PTPN14: variants seen among roughly 807,000 people sequenced by gnomAD.
PTPN14 encodes tyrosine-protein phosphatase non-receptor type 14.
PTPN14 carries 53 observed loss-of-function variants against 126.8 expected under a neutral mutation model. The ratio of observed to expected loss-of-function variants is 0.42; its 90% CI spans 0.34 to 0.53. The LOEUF (loss-of-function observed/expected upper bound fraction) is 0.53, where lower values mean the gene tolerates loss of function less well. Ranked by LOEUF, PTPN14 falls within the 20% of genes least tolerant of loss-of-function variation. The pLI, the probability that PTPN14 is intolerant of heterozygous loss-of-function variation, is 0.08. For synonymous variants in PTPN14, 630 were observed against 599.3 expected, an observed-to-expected ratio of 1.05 and a Z score of -0.75; for missense variants, 1,257 against 1,552.9, an observed-to-expected ratio of 0.81 and a Z score of 3.20.
chr1:214,370,892 C>G (rs1037186866), intron 16 of PTPN14, among the ~76,000 whole-genome samples: 1 of 152,134 alleles, frequency 6.6e-6, no homozygotes, highest in African/African-American at 2.4e-5. Flanking sequence ...ATTAGAGTTC[C>G]TCTTGTAAAG....
chr1:214,418,046 C>A (rs1372231260), intron 3 of PTPN14, among the ~76,000 whole-genome samples: 1 of 152,210 alleles, frequency 6.6e-6, no homozygotes, highest in East Asian at 1.9e-4. Flanking sequence ...GTCATGCCTG[C>A]CTACCTCATT....
chr1:214,365,879 G>A (rs1431737999), intron 17 of PTPN14, among the ~76,000 whole-genome samples: 1 of 152,116 alleles, frequency 6.6e-6, no homozygotes, highest in Non-Finnish European at 1.5e-5. Flanking sequence ...AAAAAAGAAA[G>A]AAGGGCTGGG....
chr1:214,427,032 G>C (rs552462500), intron 3 of PTPN14, among the ~76,000 whole-genome samples: 1 of 152,296 alleles, frequency 6.6e-6, no homozygotes, highest in African/African-American at 2.4e-5. Context: ...TGTAATCCCA[G>C]CACTTTGTGG....
intron 1 of PTPN14, 132 bp from the exon 2 acceptor site, chr1:214,465,089 G>T: frequency 2.5e-6 from 1 of 395,524 alleles, no homozygotes; most frequent in Admixed American, 3.9e-5. Flanking sequence ...TTGATAAGCT[G>T]CAAGTTCTGG....
chr1:214,465,512 T>C (rs1185041411), intron 1 of PTPN14, among the ~76,000 whole-genome samples: 1 of 152,070 alleles, frequency 6.6e-6, no homozygotes, highest in East Asian at 1.9e-4. Flanking sequence ...TCCCAGCTAC[T>C]TGGGAGGCTG....
intron 1 of PTPN14, among the ~76,000 whole-genome samples, chr1:214,506,001 C>T (rs1450473536): frequency 2.0e-5 from 3 of 152,200 alleles, no homozygotes; most frequent in African/African-American, 7.2e-5. Flanking sequence ...TAAGCCCAGA[C>T]ACAGAGACAG....
intron 7 of PTPN14, among the ~76,000 whole-genome samples, chr1:214,401,073 G>A (rs1659003877): frequency 6.6e-6 from 1 of 152,104 alleles, no homozygotes; most frequent in Non-Finnish European, 1.5e-5. Context: ...TTTGGATGAT[G>A]GGCTCAGCTC....
In PTPN14 at chr1:214,526,304, T is replaced by C. The variant is rs1448803506; in HGVS notation, c.-155+24879A>G. Among the ~76,000 whole-genome samples the C allele has an allele frequency of 2.4e-4, 36 of 152,132 alleles. 1 individual carries two copies. The highest frequency in any genetic ancestry group is 2.4e-3 in the Admixed American group (36 of 15,260). On this transcript the variant is annotated intron_variant, in intron 1 of 18. Coordinates refer to ENST00000366956, the MANE Select transcript of PTPN14 (RefSeq NM_005401.5). ...TTCTAATGGTGCCTGGGTAGCGTTT[T>C]TAGACAATAAAGTGACTAACATTAA...
chr1:214,523,560 T>C (rs11801117), intron 1 of PTPN14, among the ~76,000 whole-genome samples: 8,732 of 152,196 alleles, frequency 0.057, 853 homozygotes, highest in African/African-American at 0.2. Flanking sequence ...TGTAAATATA[T>C]TCTATAATGT....
intron 7 of PTPN14, among the ~76,000 whole-genome samples, chr1:214,398,872 G>A (rs940333518): frequency 4.6e-5 from 7 of 151,726 alleles, no homozygotes; most frequent in African/African-American, 1.7e-4. Flanking sequence ...AGGTTCAAGC[G>A]ATTCTCCTGC....
At chr1:214,513,149 A>G (rs1421793024) in intron 1 of PTPN14, among the ~76,000 whole-genome samples, 1 of 152,204 alleles carries the variant, frequency 6.6e-6, no homozygotes, top group Non-Finnish European at 1.5e-5. Context: ...AGCAGCAGAA[A>G]AACCTAAAAG....
intron 3 of PTPN14, among the ~76,000 whole-genome samples, chr1:214,419,828 A>C (rs894683028): frequency 1.3e-5 from 2 of 152,146 alleles, no homozygotes; most frequent in Non-Finnish European, 2.9e-5. Context: ...GCGGGTGTTC[A>C]CAGCTGTAAA....
intron 16 of PTPN14, among the ~76,000 whole-genome samples, chr1:214,370,593 C>T (rs565747897): frequency 3.4e-4 from 51 of 152,160 alleles, no homozygotes; most frequent in Non-Finnish European, 6.2e-4. Flanking sequence ...CTGACCAATG[C>T]GTTTTAGTTC....
intron 1 of PTPN14, among the ~76,000 whole-genome samples, chr1:214,490,970 GAAGGAAAGGAAGGAAGGAAGGGAAGGA>G (rs1218541372): frequency 4.9e-5 from 3 of 61,666 alleles, no homozygotes; most frequent in Non-Finnish European, 9.6e-5. Flanking sequence ...GGAAGGAAGG[GAAGGAAAGGAAGGAAGGAAGGGAAGGA>G]AAGGAAAGAA....
chr1:214,481,795 C>G (rs1660994297), intron 1 of PTPN14, among the ~76,000 whole-genome samples: 1 of 151,862 alleles, frequency 6.6e-6, no homozygotes, highest in Non-Finnish European at 1.5e-5. Flanking sequence ...ATCATCCTGG[C>G]TAACACAGTG....
chr1:214,378,249 C>T, intron 13 of PTPN14, 147 bp from the exon 14 acceptor site: 2 of 1,085,492 alleles, frequency 1.8e-6, no homozygotes, highest in Non-Finnish European at 2.5e-6. Flanking sequence ...AGCCTTCCCA[C>T]TATTCCCACT....
At chr1:214,404,275 G>A (rs557966495) in intron 5 of PTPN14, among the ~76,000 whole-genome samples, 18 of 152,266 alleles carry the variant, frequency 1.2e-4, no homozygotes, top group Admixed American at 3.9e-4. Context: ...TAGAGTTCAC[G>A]AGAGACTTTA....
At position 214,452,235 on chromosome 1, in the gene PTPN14, G is replaced by GT. The variant is rs1189839520; in HGVS notation, c.175-262dup. ...GCAGATACCAAAGCGCCCATGTGAGGTAAGGGGAGTCGCGCAGGGAAGGGA... is the reference window on the plus strand; with the variant it reads ...GCAGATACCAAAGCGCCCATGTGAGGTTAAGGGGAGTCGCGCAGGGAAGGGA... On this transcript the variant is annotated intron_variant, in intron 2 of 18. Coordinates refer to ENST00000366956, the MANE Select transcript of PTPN14 (RefSeq NM_005401.5). Among the ~76,000 whole-genome samples, 3 of 152,222 alleles carry GT rather than the reference G, an allele frequency of 2.0e-5. No homozygotes were observed. The East Asian group carries it at 5.8e-4, about 29-fold the overall frequency.
chr1:214,414,153 T>C (rs937231795), intron 4 of PTPN14, among the ~76,000 whole-genome samples: 28 of 152,204 alleles, frequency 1.8e-4, no homozygotes, highest in African/African-American at 6.8e-4. Context: ...TTCAGTCCAA[T>C]ACACATTTGT....
Sources: allele counts gnomAD v4.1 joint callset (sites outside exome capture counted in the v4.1 genomes callset), GRCh38; gene constraint gnomAD v4.1.1; transcripts MANE v1.5; gene names NCBI Gene and HGNC (gene_info 2026-07-23, HGNC 2026-07-21).